Variants in LRRC4C observed in about 807,000 individuals in gnomAD.
LRRC4C encodes leucine rich repeat containing 4C, also known as leucine-rich repeat-containing protein 4C.
LRRC4C carries 5 observed loss-of-function variants against 33.6 expected under a neutral mutation model. The observed-to-expected ratio is 0.15, with a 90% CI of 0.08 to 0.31. The LOEUF (loss-of-function observed/expected upper bound fraction) is 0.31, where lower values mean the gene tolerates loss of function less well. Among genes scored for constraint, LRRC4C ranks in the 10% least tolerant of loss-of-function variants. The pLI is 1.00. For missense variants in LRRC4C, 560 were observed against 796.7 expected (o/e 0.70, Z 3.58); for synonymous variants, 329 against 302.0 (o/e 1.09, Z -0.93).
chr11:40,586,912 G>C (rs1481421543), intron 3 of LRRC4C, among the ~76,000 whole-genome samples: 1 of 152,176 alleles, frequency 6.6e-6, no homozygotes, highest in Non-Finnish European at 1.5e-5. Flanking sequence ...GTAGAGTGAT[G>C]CCTCCAGCTT....
intron 3 of LRRC4C, among the ~76,000 whole-genome samples, chr11:40,537,055 C>T (rs575412501): frequency 2.0e-5 from 3 of 152,230 alleles, no homozygotes; most frequent in African/African-American, 7.2e-5. Flanking sequence ...TGAGTGAACC[C>T]TGTCAAAATA....
intron 1 of LRRC4C, among the ~76,000 whole-genome samples, chr11:41,136,082 G>T (rs1453070652): frequency 6.6e-6 from 1 of 152,108 alleles, no homozygotes; most frequent in Non-Finnish European, 1.5e-5. Context: ...CTTTCAGAGT[G>T]CCTGCATATG....
intron 1 of LRRC4C, among the ~76,000 whole-genome samples, chr11:41,127,255 GT>G (rs35456009): frequency 0.27 from 38,131 of 143,582 alleles, 5,098 homozygotes; most frequent in East Asian, 0.47. Context: ...AAAGACTAGA[GT>G]TTTTTTTTTT....
chr11:40,967,904 G>A (rs1362976260), intron 1 of LRRC4C, among the ~76,000 whole-genome samples: 2 of 151,722 alleles, frequency 1.3e-5, no homozygotes, highest in Non-Finnish European at 2.9e-5. Flanking sequence ...CAATTAATAA[G>A]CTACCAATCG....
At chr11:41,002,753 A>T (rs2137406398) in intron 1 of LRRC4C, among the ~76,000 whole-genome samples, 1 of 152,320 alleles carries the variant, frequency 6.6e-6, no homozygotes, top group South Asian at 2.1e-4. Flanking sequence ...ACAGAAGAAA[A>T]GTAGAAAGTC....
rs147076610 is a variant in LRRC4C, at chr11:40,671,901, TTGTC to T, written c.-406-23627_-406-23624del. Among the ~76,000 whole-genome samples the T allele has an allele frequency of 9.2e-3, 1,397 of 152,174 alleles. 20 individuals carry two copies. The highest frequency in any genetic ancestry group is 0.031 in the African/African-American group (1,294 of 41,506). On this transcript the variant is annotated intron_variant, in intron 2 of 6. Transcript: ENST00000528697. ...ATGTACATTTTTCAAAAACGAGATT[TTGTC>T]TGTCTTACTTTCTAAGCATATAGCA...
chr11:40,387,136 T>A (rs569851721), intron 3 of LRRC4C, among the ~76,000 whole-genome samples: 1 of 152,278 alleles, frequency 6.6e-6, no homozygotes, highest in South Asian at 2.1e-4. Flanking sequence ...GAATTATTCC[T>A]TTTTTATTCT....
chr11:41,241,171 C>T (rs1455885877), intron 1 of LRRC4C, among the ~76,000 whole-genome samples: 5 of 152,084 alleles, frequency 3.3e-5, no homozygotes, highest in Admixed American at 6.6e-5. Context: ...GTAGGAGAAT[C>T]AATTTTCTCC....
At chr11:40,538,593 ACG>A (rs1956575595) in intron 3 of LRRC4C, among the ~76,000 whole-genome samples, 1 of 152,204 alleles carries the variant, frequency 6.6e-6, no homozygotes, top group South Asian at 2.1e-4. Context: ...CAATAAACAT[ACG>A]TGTGCATGTG....
chr11:40,671,259 C>T (rs1944091413), intron 2 of LRRC4C, among the ~76,000 whole-genome samples: 1 of 152,068 alleles, frequency 6.6e-6, no homozygotes. Flanking sequence ...ATTAAAGAAG[C>T]TTTAGCAACC....
chr11:41,183,490 C>T (rs1423251912), intron 1 of LRRC4C, among the ~76,000 whole-genome samples: 1 of 152,118 alleles, frequency 6.6e-6, no homozygotes, highest in Non-Finnish European at 1.5e-5. Context: ...TCTTAGAGCT[C>T]CAAAATGATC....
intron 1 of LRRC4C, among the ~76,000 whole-genome samples, chr11:41,039,022 A>T (rs1229170489): frequency 6.6e-6 from 1 of 152,240 alleles, no homozygotes; most frequent in Non-Finnish European, 1.5e-5. Flanking sequence ...CGATATCAAG[A>T]TGGGTATTCC....
intron 5 of LRRC4C, among the ~76,000 whole-genome samples, chr11:40,187,693 C>T (rs1002982320): frequency 5.9e-5 from 9 of 152,166 alleles, no homozygotes; most frequent in African/African-American, 2.2e-4. Context: ...TTCCTTTGCC[C>T]TCCCAGCAAT....
At chr11:41,034,618 T>C (rs1400035663) in intron 1 of LRRC4C, among the ~76,000 whole-genome samples, 1 of 140,204 alleles carries the variant, frequency 7.1e-6, no homozygotes, top group Non-Finnish European at 1.5e-5. Flanking sequence ...TATATATATA[T>C]ATATATATAT....
chr11:40,407,470 T>A (rs1950002797), intron 3 of LRRC4C, among the ~76,000 whole-genome samples: 1 of 152,114 alleles, frequency 6.6e-6, no homozygotes, highest in Non-Finnish European at 1.5e-5. Context: ...TTTCAATGCA[T>A]GAGGATCAAA....
chr11:40,698,212 T>C (rs1945677607), intron 2 of LRRC4C, among the ~76,000 whole-genome samples: 1 of 152,136 alleles, frequency 6.6e-6, no homozygotes, highest in Non-Finnish European at 1.5e-5. Flanking sequence ...TGCAGTACAG[T>C]TCAAGGAAAT....
At chr11:40,471,759 A>G (rs1952949982) in intron 3 of LRRC4C, among the ~76,000 whole-genome samples, 1 of 152,062 alleles carries the variant, frequency 6.6e-6, no homozygotes, top group African/African-American at 2.4e-5. Context: ...ACAGATTAAG[A>G]CAGAAAATTA....
chr11:40,660,029 C>T (rs1943350215), intron 2 of LRRC4C, among the ~76,000 whole-genome samples: 1 of 152,246 alleles, frequency 6.6e-6, no homozygotes, highest in Non-Finnish European at 1.5e-5. Context: ...CTGTGACACC[C>T]TCTCTGGGGC....
At chr11:40,482,186 G>A (rs1953606027) in intron 3 of LRRC4C, among the ~76,000 whole-genome samples, 1 of 152,068 alleles carries the variant, frequency 6.6e-6, no homozygotes, top group Non-Finnish European at 1.5e-5. Context: ...ATAACTAATA[G>A]AGCAGATCAA....
Sources: allele counts gnomAD v4.1 joint callset (sites outside exome capture counted in the v4.1 genomes callset), GRCh38; gene constraint gnomAD v4.1.1; transcripts MANE v1.5; gene names NCBI Gene and HGNC (gene_info 2026-07-23, HGNC 2026-07-21).